SLC51A: variants seen among roughly 807,000 people sequenced by gnomAD.
The protein encoded by SLC51A is solute carrier family 51 member A, also known as organic solute transporter subunit alpha.
A neutral mutation model predicts 34.8 loss-of-function variants in SLC51A; 22 were observed. The observed-to-expected ratio is 0.63, with a 90% CI of 0.45 to 0.90. The LOEUF (loss-of-function observed/expected upper bound fraction) is 0.90, where lower values mean the gene tolerates loss of function less well. SLC51A is among the 40% of genes least tolerant of loss of function. SLC51A has a pLI of 0.00. For synonymous variants in SLC51A, 181 were observed against 176.3 expected (o/e 1.03, Z -0.21); for missense variants, 371 against 414.8 (o/e 0.89, Z 0.92).
At chr3:196,226,047 T>G (rs1260239977) in intron 2 of SLC51A, among the ~76,000 whole-genome samples, 1 of 152,198 alleles carries the variant, frequency 6.6e-6, no homozygotes, top group African/African-American at 2.4e-5. Flanking sequence ...CCGAGTGTGG[T>G]GGCTCACGTC....
At position 196,228,928 on chromosome 3, in the gene SLC51A, G is replaced by A. The variant is rs192475271; in HGVS notation, c.633+8G>A. ...ATCTATGACCCAGCAGACGTAAGCC[G>A]GGAGTAAGGGACAGCACAGTCCAAG... On this transcript the variant is annotated splice_region_variant and intron_variant, in intron 6 of 8. Transcript: ENST00000296327. This position sits in a 1 kb window ranked among gnomAD's most constrained non-coding sequence, Gnocchi z 4.9. 2,683 of 1,599,694 alleles carry A rather than the reference G, an allele frequency of 1.7e-3. 6 individuals carry two copies. The highest frequency in any genetic ancestry group is 3.7e-3 in the South Asian group (336 of 90,800).
chr3:196,219,095 G>A (rs538306688), intron 2 of SLC51A, among the ~76,000 whole-genome samples: 29 of 152,150 alleles, frequency 1.9e-4, no homozygotes, highest in East Asian at 5.8e-4. Flanking sequence ...GCGTGGTGGC[G>A]GGCACCTGTA....
rs759771895 is a variant in SLC51A at position 196,228,854 on chromosome 3, C to T, written c.567C>T (p.Phe189=). 29 of 1,614,064 alleles carry T rather than the reference C, an allele frequency of 1.8e-5. No individual in the cohort carries two copies. The Admixed American group carries it at 4.2e-4, about 23-fold the overall frequency. The stretch of plus-strand genomic sequence containing the variant: ...TGTTGGGCCCTTTCCAATACGCCTT[C>T]TTGAAGATAACGCTGACCCTGGTGG... The part of the protein sequence containing the change: ...LLMLGPFQYA[F]LKITLTLVGL... The change falls in exon 6 of 9, where the codon TTC becomes TTT. Residue 189 remains phenylalanine, a synonymous_variant. Coordinates refer to ENST00000296327, the MANE Select transcript of SLC51A (RefSeq NM_152672.6). The surrounding 1 kb of genome is among the most constrained non-coding windows in gnomAD (Gnocchi z 4.9).
At position 196,220,918 on chromosome 3, in the gene SLC51A, C is replaced by G. The variant is rs182892188; in HGVS notation, c.133+2982C>G. Among the ~76,000 whole-genome samples the G allele has an allele frequency of 5.4e-4, 74 of 136,462 alleles. 1 individual carries two copies. The highest frequency in any genetic ancestry group is 9.3e-4 in the Non-Finnish European group (60 of 64,772). The allele number at this position is 136,462 out of a possible 152,430, so 89.5% of individuals were successfully genotyped here. A position where few individuals can be genotyped will look rare whatever the true frequency, so the allele number is the denominator to read the frequency against. ...TTTTTTTTTTTTTTTGAGACAGGGT[C>G]TCACTGTGTCACTCAGGCTGGAGTG... is the stretch of plus-strand genomic sequence containing the variant. On this transcript the variant is annotated intron_variant, in intron 2 of 8. Transcript: ENST00000296327.
intron 6 of SLC51A, 138 bp downstream of exon 6, chr3:196,229,058 TG>T: frequency 1.4e-6 from 1 of 706,434 alleles, no homozygotes; most frequent in South Asian, 1.7e-5. Flanking sequence ...GCTCAGGGAC[TG>T]CCAGGGAGAG....
chr3:196,227,943 T>A, intron 4 of SLC51A, 172 bp from the exon 5 acceptor site: 1 of 998,460 alleles, frequency 1.0e-6, no homozygotes, highest in Non-Finnish European at 1.5e-6. Context: ...GTTCCCACAG[T>A]CTGAAATTCC....
At position 196,217,945 on chromosome 3, in the gene SLC51A, G is replaced by A. The variant is rs781774919; in HGVS notation, c.133+9G>A. The A allele has an allele frequency of 1.6e-5, 26 of 1,609,840 alleles. No homozygotes were observed. The highest frequency in any genetic ancestry group is 2.0e-5 in the Non-Finnish European group (24 of 1,178,038). ...AGCCCAACTCCTGAGAGGTGAGTGG[G>A]GACCCTCCTCAGAGGGAACTGAGAG... On this transcript the variant is annotated intron_variant, in intron 2 of 8. Coordinates refer to ENST00000296327, the MANE Select transcript of SLC51A (RefSeq NM_152672.6).
chr3:196,217,675 AAG>A (rs1273642587), intron 1 of SLC51A, among the ~76,000 whole-genome samples, 165 bp from the exon 2 acceptor site: 2 of 151,486 alleles, frequency 1.3e-5, no homozygotes, highest in Non-Finnish European at 2.9e-5. Context: ...GAGAAAGAGA[AAG>A]AGAGAGTGAA....
chr3:196,228,124 CG>C lies in SLC51A; in HGVS notation c.373del (p.Val125CysfsTer6). 1 of 1,613,572 alleles carries C rather than the reference CG, an allele frequency of 6.2e-7. No individual in the cohort carries two copies. ...TCTCTCCCCACCCCAGGTTTTATGC[CG>C]TGTGCTTTTACCTGCTGATGCTGGT... The part of the protein sequence containing the change: ...VEMTITSFYA[V>X]CFYLLMLVMV... On this transcript the variant is annotated frameshift_variant, in exon 5 of 9. Transcript: ENST00000296327. LOFTEE classifies it high-confidence loss of function. The surrounding 1 kb of genome is among the most constrained non-coding windows in gnomAD (Gnocchi z 4.9).
At chr3:196,217,701 GGAAA>G (rs755517048) in intron 1 of SLC51A, 137 bp from the exon 2 acceptor site, 28 of 603,710 alleles carry the variant, frequency 4.6e-5, no homozygotes, top group African/African-American at 2.0e-4. Context: ...AAGGAAGGAA[GGAAA>G]GAAAGAAAGA....
chr3:196,224,064 G>A, intron 2 of SLC51A: 1 of 264,496 alleles, frequency 3.8e-6, no homozygotes, highest in Non-Finnish European at 7.5e-6. Context: ...CCACCATGTT[G>A]GCCAGGCTGG....
At chr3:196,219,094 CGG>C (rs1275051979) in intron 2 of SLC51A, among the ~76,000 whole-genome samples, 2 of 152,036 alleles carry the variant, frequency 1.3e-5, no homozygotes, top group Admixed American at 6.6e-5. Context: ...GGCGTGGTGG[CGG>C]GCACCTGTAA....
Position 196,228,516 on chromosome 3 carries a change from CTG to C in SLC51A, c.521+244_521+245del. 1 of 621,486 alleles carries C rather than the reference CTG, an allele frequency of 1.6e-6. No homozygotes were observed. Among genetic ancestry groups the C allele is most frequent in the Non-Finnish European group, 2.8e-6 (1 of 359,796 alleles). 38.5% of individuals were successfully genotyped at this position (621,486 alleles called of 1,614,324 possible). A position where few individuals can be genotyped will look rare whatever the true frequency, so the allele number is the denominator to read the frequency against. ...GCAAGCCTTAGCCACACAGAGAAAA[CTG>C]GACTTGGGGCCATTCGCTTGCCCCT... On this transcript the variant is annotated intron_variant, in intron 5 of 8. Transcript: ENST00000296327. This position sits in a 1 kb window ranked among gnomAD's most constrained non-coding sequence, Gnocchi z 4.9.
chr3:196,233,075 A>AGGT lies in SLC51A; in HGVS notation c.899_900insGGT (p.His300delinsGlnVal). ...CCCTACACTGCAGTGATGAATTGCC[A>AGGT]CCTCCTCATACTGGAGACTTTTCTA... On this transcript the variant is annotated protein_altering_variant, in exon 9 of 9. Transcript: ENST00000296327. The AGGT allele has an allele frequency of 6.2e-7, 1 of 1,614,086 alleles. No homozygotes were observed. The highest frequency in any genetic ancestry group is 8.5e-7 in the Non-Finnish European group (1 of 1,179,962).
chr3:196,227,004 C>T lies in SLC51A; in HGVS notation c.173C>T (p.Thr58Ile), dbSNP rs751828154. ...PVELALTSIL[T>I]LLALGSIAIF... ...GAACTTGCCCTCACTAGCATCCTGA[C>T]CTTGCTGGCGCTGGGCTCCATTGCC... Residue 58 changes from threonine (T) to isoleucine (I), a missense_variant, in exon 3 of 9, where the codon ACC becomes ATC. Physicochemically the swap from Thr to Ile is moderately conservative, Grantham distance 89. Coordinates refer to ENST00000296327, the MANE Select transcript of SLC51A (RefSeq NM_152672.6). 1.9e-6 allele frequency: 3 copies of T among 1,613,884 alleles called. No homozygotes were observed. Among genetic ancestry groups the T allele is most frequent in the South Asian group, 2.2e-5 (2 of 91,076 alleles).
chr3:196,232,813 GC>G (rs1724055389), intron 8 of SLC51A: 3 of 583,094 alleles, frequency 5.1e-6, no homozygotes, highest in South Asian at 2.1e-5. Flanking sequence ...AAAAACAGAA[GC>G]CCATGTTGAT....
chr3:196,227,232 C>A, intron 3 of SLC51A, 113 bp downstream of exon 3: 2 of 1,153,518 alleles, frequency 1.7e-6, no homozygotes, highest in East Asian at 2.5e-5. Context: ...TGCCACGACC[C>A]GCGGAGGGCC....
chr3:196,223,183 G>A (rs1723805990), intron 2 of SLC51A, among the ~76,000 whole-genome samples: 1 of 151,826 alleles, frequency 6.6e-6, no homozygotes, highest in Non-Finnish European at 1.5e-5. Context: ...GTGACCCTGG[G>A]AGATGTGCTT....
At chr3:196,217,284 C>T (rs898584672) in intron 1 of SLC51A, among the ~76,000 whole-genome samples, 10 of 152,178 alleles carry the variant, frequency 6.6e-5, no homozygotes, top group African/African-American at 2.2e-4. Context: ...GAGGCTGAGG[C>T]GGGAGTCCAG....
Sources: allele counts gnomAD v4.1 joint callset (sites outside exome capture counted in the v4.1 genomes callset), GRCh38; gene constraint gnomAD v4.1.1; non-coding constraint Gnocchi (gnomAD v3.1); transcripts MANE v1.5; gene names NCBI Gene and HGNC (gene_info 2026-07-23, HGNC 2026-07-21).